Variants in WIPF1 observed in about 807,000 individuals in gnomAD.
WIPF1 encodes WAS/WASL interacting protein family member 1.
In WIPF1, 13 loss-of-function variants were observed where a neutral mutation model predicts 35.4. The observed-to-expected ratio is 0.37, with a 90% confidence interval of 0.24 to 0.58. The LOEUF (loss-of-function observed/expected upper bound fraction) is 0.58, where lower values mean the gene tolerates loss of function less well. WIPF1 is among the 20% of genes least tolerant of loss of function. The probability of loss-of-function intolerance (pLI) is 0.74; values close to 1 mark genes in which losing one functional copy is unlikely to be tolerated. For missense variants in WIPF1, 591 were observed against 667.0 expected (o/e 0.89, Z 1.25); for synonymous variants, 267 against 266.3 (o/e 1.00, Z -0.02).
intron 3 of WIPF1, 131 bp from the exon 4 acceptor site, chr2:174,575,511 G>C: frequency 7.0e-7 from 1 of 1,433,570 alleles, no homozygotes; most frequent in Non-Finnish European, 9.2e-7. Flanking sequence ...TCATTAAAAT[G>C]CAGGATTTTA....
chr2:174,650,580 A>T (rs538270729), intron 1 of WIPF1, among the ~76,000 whole-genome samples: 12 of 152,160 alleles, frequency 7.9e-5, no homozygotes, highest in African/African-American at 2.9e-4. Context: ...GACCATCCTG[A>T]CTGTTCTTCT....
chr2:174,585,671 T>G (rs1055977026), intron 1 of WIPF1, 60 bp from the exon 2 acceptor site: 100 of 1,239,054 alleles, frequency 8.1e-5, no homozygotes, highest in Non-Finnish European at 1.1e-4. Context: ...TGTCCTAATC[T>G]GTCTTCACTT....
intron 1 of WIPF1, among the ~76,000 whole-genome samples, chr2:174,647,202 T>C (rs1465916512): frequency 6.6e-6 from 1 of 151,692 alleles, no homozygotes; most frequent in Non-Finnish European, 1.5e-5. Flanking sequence ...CGACATCCTG[T>C]CTCCAAAACA....
upstream of WIPF1, among the ~76,000 whole-genome samples, chr2:174,599,826 T>TAG (rs1685943199): frequency 6.6e-6 from 1 of 151,976 alleles, no homozygotes; most frequent in Non-Finnish European, 1.5e-5. Flanking sequence ...TATCTCTCTC[T>TAG]CTCTCTCTCT....
intron 1 of WIPF1, chr2:174,629,661 C>T (rs1686954938): frequency 6.6e-6 from 1 of 152,266 alleles, no homozygotes; most frequent in South Asian, 2.1e-4. Flanking sequence ...TAAACTGGGA[C>T]TTGCCTAAGA....
At chr2:174,678,204 G>T (rs1319961922) in intron 1 of WIPF1, among the ~76,000 whole-genome samples, 1 of 152,038 alleles carries the variant, frequency 6.6e-6, no homozygotes, top group Non-Finnish European at 1.5e-5. Context: ...AGAGAGAAAA[G>T]GAAATTAAAA....
chr2:174,679,769 A>G (rs554230480), intron 1 of WIPF1, among the ~76,000 whole-genome samples: 65 of 152,248 alleles, frequency 4.3e-4, no homozygotes, highest in Non-Finnish European at 8.8e-4. Context: ...TTCATTACTC[A>G]AAACTATACA....
chr2:174,660,136 G>C (rs981150463), intron 1 of WIPF1, among the ~76,000 whole-genome samples: 2 of 152,178 alleles, frequency 1.3e-5, no homozygotes, highest in African/African-American at 4.8e-5. Flanking sequence ...TTACAGGTCT[G>C]TCCTATGTTA....
chr2:174,573,982 T>C (rs1207914595), intron 4 of WIPF1, among the ~76,000 whole-genome samples: 1 of 151,518 alleles, frequency 6.6e-6, no homozygotes, highest in Admixed American at 6.6e-5. Flanking sequence ...TTCAACTTCC[T>C]GGGCTCAGGC....
At position 174,567,091 on chromosome 2, in the gene WIPF1, G is replaced by C. The variant is rs1274242254; in HGVS notation, c.1435C>G (p.Leu479Val). 6.2e-7 allele frequency: 1 copy of C among 1,614,216 alleles called. No homozygotes were observed. The highest frequency in any genetic ancestry group is 8.5e-7 in the Non-Finnish European group (1 of 1,180,046). ...VQTTKSYPSK[L>V]ARNESRSGSN... ...TCACTCCGGCTTTCGTTTCTTGCCA[G>C]TTTGCTGGGATAACTTTTGGTCGTT... The change falls in exon 7 of 8, where the codon CTG becomes GTG. Residue 479 changes from leucine (L) to valine (V), a missense_variant. Around this residue, in one of 3 missense-constraint regions of WIPF1, gnomAD observed 117 missense variants for 149.6 expected, o/e 0.78. Transcript: ENST00000679041.
chr2:174,608,558 C>T (rs1686246570), intron 1 of WIPF1, among the ~76,000 whole-genome samples: 1 of 151,840 alleles, frequency 6.6e-6, no homozygotes, highest in Non-Finnish European at 1.5e-5. Flanking sequence ...AAAATGCAAA[C>T]ATTTCCCAGT....
chr2:174,560,758 A>G lies in WIPF1; in HGVS notation c.*1789T>C, dbSNP rs1468577874. 6.6e-6 allele frequency: 1 copy of G among 152,608 alleles called. No homozygotes were observed. Among genetic ancestry groups the G allele is most frequent in the Non-Finnish European group, 1.5e-5 (1 of 68,022 alleles). 9.5% of individuals were successfully genotyped at this position (152,608 alleles called of 1,614,324 possible). ...GGCAAGGAAGTTATAGAAATATAAT[A>G]TATTCAAATCAGTAACTTCATAATT... On this transcript the variant is annotated 3_prime_UTR_variant, in exon 8 of 8. Transcript: ENST00000679041.
chr2:174,650,636 T>C (rs766934418), intron 1 of WIPF1, among the ~76,000 whole-genome samples: 1 of 152,246 alleles, frequency 6.6e-6, no homozygotes, highest in Non-Finnish European at 1.5e-5. Flanking sequence ...CTTTTTAGTA[T>C]TAAACAGTAC....
At chr2:174,574,573 G>C (rs1391471490) in intron 4 of WIPF1, among the ~76,000 whole-genome samples, 2 of 152,162 alleles carry the variant, frequency 1.3e-5, no homozygotes, top group African/African-American at 2.4e-5. Context: ...AGCTGGGAGA[G>C]AGCCTCATGC....
chr2:174,626,841 A>G (rs1686848641), intron 1 of WIPF1, among the ~76,000 whole-genome samples: 1 of 152,182 alleles, frequency 6.6e-6, no homozygotes, highest in Non-Finnish European at 1.5e-5. Flanking sequence ...GTGCTCCCAC[A>G]GTCTATTCTC....
At chr2:174,642,532 A>G (rs748666016) in intron 1 of WIPF1, among the ~76,000 whole-genome samples, 1 of 151,870 alleles carries the variant, frequency 6.6e-6, no homozygotes, top group Admixed American at 6.6e-5. Context: ...TATTTTTAGT[A>G]GAGAAGGGGT....
chr2:174,680,536 A>G (rs1318861119), intron 1 of WIPF1, among the ~76,000 whole-genome samples: 1 of 152,230 alleles, frequency 6.6e-6, no homozygotes, highest in African/African-American at 2.4e-5. Flanking sequence ...ATGGCAACAA[A>G]TAAAAGGCAC....
chr2:174,561,355 C>T lies in WIPF1; in HGVS notation c.*1192G>A, dbSNP rs1684479250. 1 of 152,194 alleles carries T rather than the reference C, an allele frequency of 6.6e-6. No individual in the cohort carries two copies. The highest frequency in any genetic ancestry group is 1.9e-4 in the East Asian group (1 of 5,202). The allele number at this position is 152,194 out of a possible 1,614,324, so 9.4% of individuals were successfully genotyped here. A position where few individuals can be genotyped will look rare whatever the true frequency, so the allele number is the denominator to read the frequency against. On this transcript the variant is annotated 3_prime_UTR_variant, in exon 8 of 8. Coordinates refer to ENST00000679041, the MANE Select transcript of WIPF1 (RefSeq NM_001375834.1). ...CTGACTTTTTTCCCCTCCTACCAAG[C>T]CTTCCTAGTCTCTCCCAGCCTCAGG...
chr2:174,680,076 C>T (rs1688216908), intron 1 of WIPF1, among the ~76,000 whole-genome samples: 1 of 152,212 alleles, frequency 6.6e-6, no homozygotes, highest in South Asian at 2.1e-4. Context: ...ATTCCCTGTT[C>T]CCTGTATTTG....
Sources: allele counts gnomAD v4.1 joint callset (sites outside exome capture counted in the v4.1 genomes callset), GRCh38; gene constraint gnomAD v4.1.1; regional missense constraint gnomAD v4.1.1; transcripts MANE v1.5; gene names NCBI Gene and HGNC (gene_info 2026-07-23, HGNC 2026-07-21).